The following COL28A1 variants were observed in gnomAD, a reference collection of about 807,000 sequenced individuals.
The protein encoded by COL28A1 is collagen alpha-1(XXVIII) chain.
In COL28A1, 161 loss-of-function variants were observed where a neutral mutation model predicts 150.2. The observed-to-expected ratio is 1.07, with a 90% CI of 0.94 to 1.22. The LOEUF is 1.22. COL28A1 is among the 50% of genes most tolerant of loss of function. COL28A1 has a pLI of 0.00. For missense variants in COL28A1, 1,617 were observed against 1,388.3 expected, an observed-to-expected ratio of 1.16 and a Z score of -2.62; for synonymous variants, 552 against 469.7, an observed-to-expected ratio of 1.18 and a Z score of -2.26.
In COL28A1 at chr7:7,358,429, A is replaced by AT; in HGVS notation, c.*203_*204insA. On this transcript the variant is annotated 3_prime_UTR_variant, in exon 35 of 35. Transcript: ENST00000399429. Reference sequence around the variant, plus strand: ...TTAGTTGGGTGACAGTTGACAAGTTACTAAACTTCTCAGAGCCTCAGCTTT... The same window carrying AT: ...TTAGTTGGGTGACAGTTGACAAGTTATCTAAACTTCTCAGAGCCTCAGCTTT... 1 of 467,680 alleles carries AT rather than the reference A, an allele frequency of 2.1e-6. No homozygotes were observed. The highest frequency in any genetic ancestry group is 4.0e-5 in the South Asian group (1 of 24,808). The allele number at this position is 467,680 out of a possible 1,614,324, so 29.0% of individuals were successfully genotyped here. A position where few individuals can be genotyped will look rare whatever the true frequency, so the allele number is the denominator to read the frequency against.
chr7:7,347,721 G>A, the COL28A1 span, among the ~76,000 whole-genome samples: 13 of 152,216 alleles, frequency 8.5e-5, no homozygotes, highest in South Asian at 2.5e-3. Flanking sequence ...GCCATGTGGA[G>A]AAGAGACAGA....
the COL28A1 span, among the ~76,000 whole-genome samples, chr7:7,351,158 G>C: frequency 1.3e-5 from 2 of 152,114 alleles, no homozygotes; most frequent in African/African-American, 4.8e-5. Flanking sequence ...ATTCTGGTTT[G>C]TTCTTCTCCC....
At chr7:7,379,065 G>A (rs915963977) in intron 30 of COL28A1, among the ~76,000 whole-genome samples, 1 of 152,200 alleles carries the variant, frequency 6.6e-6, no homozygotes, top group African/African-American at 2.4e-5. Flanking sequence ...TTCTGGAATT[G>A]CATGCATCCA....
chr7:7,396,091 T>C (rs1316398750), intron 27 of COL28A1, among the ~76,000 whole-genome samples: 2 of 152,180 alleles, frequency 1.3e-5, no homozygotes, highest in African/African-American at 4.8e-5. Flanking sequence ...CTTGAGAAGG[T>C]AAAGGTATTT....
chr7:7,371,873 C>T (rs150731335), intron 32 of COL28A1, among the ~76,000 whole-genome samples: 3,820 of 152,054 alleles, frequency 0.025, 159 homozygotes, highest in African/African-American at 0.087. Flanking sequence ...CGCTCTGTCG[C>T]CCAGGCTGGA....
intron 4 of COL28A1, among the ~76,000 whole-genome samples, chr7:7,523,211 A>T (rs1323780084): frequency 6.7e-6 from 1 of 148,268 alleles, no homozygotes; most frequent in East Asian, 2.0e-4. Context: ...CCAGGCTGGA[A>T]TGCAGCAGCA....
intron 3 of COL28A1, among the ~76,000 whole-genome samples, chr7:7,527,949 T>C (rs116070048): frequency 1.1e-4 from 17 of 151,940 alleles, no homozygotes; most frequent in African/African-American, 4.1e-4. Flanking sequence ...GGTAGCAAAA[T>C]GGCCACTATA....
chr7:7,373,018 T>C lies in COL28A1; in HGVS notation c.2888A>G (p.Asp963Gly), dbSNP rs1238098401. The part of the protein sequence containing the change: ...ATDPEHVYQF[D>G]DFFTLQDTLK... Reference sequence around the variant, plus strand: ...CTTACCTTGCAGGGTAAAGAAATCATCAAACTGGTAAACATGCTCTGGGTC... The same window carrying C: ...CTTACCTTGCAGGGTAAAGAAATCACCAAACTGGTAAACATGCTCTGGGTC... Residue 963 changes from aspartate (D) to glycine (G), a missense_variant, in exon 32 of 35, where the codon GAT becomes GGT. Physicochemically the swap from Asp to Gly is moderately conservative, Grantham distance 94 (BLOSUM62 -1). Transcript: ENST00000399429. This position sits in a 1 kb window ranked among gnomAD's most constrained non-coding sequence, Gnocchi z 4.1. 6.2e-7 allele frequency: 1 copy of C among 1,613,886 alleles called. No individual in the cohort carries two copies. Among genetic ancestry groups the C allele is most frequent in the Non-Finnish European group, 8.5e-7 (1 of 1,179,886 alleles).
chr7:7,441,961 A>G (rs986262711), intron 20 of COL28A1, among the ~76,000 whole-genome samples: 7 of 152,190 alleles, frequency 4.6e-5, no homozygotes, highest in African/African-American at 1.7e-4. Context: ...AAATTCAACC[A>G]CAACTCTTTA....
At chr7:7,498,989 T>C (rs1780370498) in intron 11 of COL28A1, among the ~76,000 whole-genome samples, 1 of 152,160 alleles carries the variant, frequency 6.6e-6, no homozygotes, top group African/African-American at 2.4e-5. Flanking sequence ...ATAGAAATCA[T>C]CTACCTTGAA....
At chr7:7,405,724 G>T (rs1783454980) in intron 27 of COL28A1, among the ~76,000 whole-genome samples, 1 of 152,084 alleles carries the variant, frequency 6.6e-6, no homozygotes, top group African/African-American at 2.4e-5. Context: ...CAACTAGAAA[G>T]CATCAAGTGT....
the COL28A1 span, among the ~76,000 whole-genome samples, chr7:7,543,423 C>A: frequency 6.6e-6 from 1 of 152,138 alleles, no homozygotes; most frequent in Non-Finnish European, 1.5e-5. Context: ...AGATAAAATA[C>A]ACTTTTGAGT....
chr7:7,391,715 T>C (rs1002443883), intron 27 of COL28A1, among the ~76,000 whole-genome samples: 6 of 152,144 alleles, frequency 3.9e-5, no homozygotes, highest in African/African-American at 1.2e-4. Flanking sequence ...TTGATCCCTT[T>C]ACCATTATGT....
intron 8 of COL28A1, among the ~76,000 whole-genome samples, chr7:7,514,968 T>C (rs1373012674): frequency 2.0e-5 from 3 of 152,164 alleles, no homozygotes; most frequent in African/African-American, 7.2e-5. Flanking sequence ...GGCTACCCAA[T>C]GCATGATCCA....
intron 9 of COL28A1, 142 bp downstream of exon 9, chr7:7,510,949 T>A: frequency 1.5e-6 from 1 of 687,990 alleles, no homozygotes; most frequent in South Asian, 1.7e-5. Flanking sequence ...TTCTACCACA[T>A]GTTTTACAGA....
intron 27 of COL28A1, among the ~76,000 whole-genome samples, chr7:7,403,644 A>AT (rs1783339478): frequency 6.6e-6 from 1 of 152,196 alleles, no homozygotes; most frequent in South Asian, 2.1e-4. Flanking sequence ...AATGTGACTT[A>AT]TAATGTCTCA....
intron 13 of COL28A1, among the ~76,000 whole-genome samples, chr7:7,482,294 G>A (rs1029177565): frequency 2.0e-5 from 3 of 152,128 alleles, no homozygotes; most frequent in Non-Finnish European, 1.5e-5. Flanking sequence ...GGACGCTGAG[G>A]TGGGCGGATT....
intron 27 of COL28A1, among the ~76,000 whole-genome samples, chr7:7,414,913 T>C (rs1002126702): frequency 1.2e-4 from 19 of 152,226 alleles, no homozygotes; most frequent in Non-Finnish European, 1.9e-4. Context: ...ACTCAAAGTT[T>C]AATTATTTTA....
chr7:7,356,987 C>CT (rs1583205892), downstream of COL28A1: 1 of 152,174 alleles, frequency 6.6e-6, no homozygotes, highest in Non-Finnish European at 1.5e-5. Flanking sequence ...CGTGAGTGCT[C>CT]TTTTTTGCAC....
Sources: allele counts gnomAD v4.1 joint callset (sites outside exome capture counted in the v4.1 genomes callset), GRCh38; gene constraint gnomAD v4.1.1; non-coding constraint Gnocchi (gnomAD v3.1); transcripts MANE v1.5; gene names NCBI Gene and HGNC (gene_info 2026-07-23, HGNC 2026-07-21).